FUT9: variants seen among roughly 807,000 people sequenced by gnomAD.
The protein encoded by FUT9 is 4-galactosyl-N-acetylglucosaminide 3-alpha-L-fucosyltransferase 9.
FUT9 carries 15 observed loss-of-function variants against 29.7 expected under a neutral mutation model. That is an observed-to-expected ratio of 0.51 (90% CI 0.34 to 0.78). The LOEUF is 0.78. Among genes scored for constraint, FUT9 ranks in the 30% least tolerant of loss-of-function variants. The probability of loss-of-function intolerance (pLI) is 0.01; values close to 1 mark genes in which losing one functional copy is unlikely to be tolerated. For missense variants in FUT9, 319 were observed against 425.4 expected, an observed-to-expected ratio of 0.75 and a Z score of 2.20; for synonymous variants, 169 against 153.7, an observed-to-expected ratio of 1.10 and a Z score of -0.74.
intron 2 of FUT9, among the ~76,000 whole-genome samples, chr6:96,170,652 T>C (rs1382807084): frequency 6.6e-6 from 1 of 152,098 alleles, no homozygotes; most frequent in Non-Finnish European, 1.5e-5. Context: ...ACAATGGTTT[T>C]CCTATGATAT....
chr6:96,031,488 T>G (rs1400226614), intron 1 of FUT9, among the ~76,000 whole-genome samples: 2 of 151,442 alleles, frequency 1.3e-5, no homozygotes, highest in Admixed American at 6.6e-5. Flanking sequence ...TAACTTACCT[T>G]TAAGTAGAGT....
intron 2 of FUT9, among the ~76,000 whole-genome samples, chr6:96,181,584 T>TCCTTTCCCTC (rs1773309194): frequency 6.6e-6 from 1 of 151,754 alleles, no homozygotes; most frequent in Non-Finnish European, 1.5e-5. Flanking sequence ...TTTATCCCTC[T>TCCTTTCCCTC]CCTTTCTCCC....
At chr6:96,126,376 A>C (rs1772133871) in intron 2 of FUT9, among the ~76,000 whole-genome samples, 1 of 152,184 alleles carries the variant, frequency 6.6e-6, no homozygotes, top group Non-Finnish European at 1.5e-5. Flanking sequence ...CTCTAGAGCA[A>C]GAAGTCACAC....
chr6:96,152,701 A>G (rs183602908), intron 2 of FUT9, among the ~76,000 whole-genome samples: 3 of 152,298 alleles, frequency 2.0e-5, no homozygotes, highest in Admixed American at 2.0e-4. Flanking sequence ...CTGATTCTCT[A>G]TGTAGTCATT....
chr6:96,107,984 CT>C (rs753293696), intron 1 of FUT9, among the ~76,000 whole-genome samples: 1,408 of 140,678 alleles, frequency 0.01, 19 homozygotes, highest in African/African-American at 0.028. Flanking sequence ...CTCATGGCCA[CT>C]TTTTTTTTTT....
chr6:96,162,473 C>T (rs1247872327), intron 2 of FUT9, among the ~76,000 whole-genome samples: 1 of 152,114 alleles, frequency 6.6e-6, no homozygotes, highest in East Asian at 1.9e-4. Context: ...ACTATGAATG[C>T]CAGCACTTAT....
rs116954271 is a variant in FUT9 at position 96,202,989 on chromosome 6, T to G, written c.-8-159T>G. Among the ~76,000 whole-genome samples the G allele has an allele frequency of 5.7e-3, 871 of 152,284 alleles. 20 individuals are homozygous for G. Among genetic ancestry groups the G allele is most frequent in the Admixed American group, 0.031 (473 of 15,274 alleles). On this transcript the variant is annotated intron_variant, in intron 2 of 2. Transcript: ENST00000302103. ...GCTGTTTCTTGGCTTTGAGGAAAGTTCTGTTTCTCTCAATGGTTTGATAAC... is the reference window on the plus strand; with the variant it reads ...GCTGTTTCTTGGCTTTGAGGAAAGTGCTGTTTCTCTCAATGGTTTGATAAC...
rs577459084 is a variant in FUT9, at chr6:96,016,201, C to T, written c.-109C>T. 1 of 153,100 alleles carries T rather than the reference C, an allele frequency of 6.5e-6. No individual in the cohort carries two copies. Among genetic ancestry groups the T allele is most frequent in the East Asian group, 1.9e-4 (1 of 5,160 alleles). The allele number at this position is 153,100 out of a possible 1,614,324, so 9.5% of individuals were successfully genotyped here. ...CGCGAGCGCCCCGGATGGCGCTTTA[C>T]CCCTAGGACCGGTGAGTAGGCGGGA... On this transcript the variant is annotated 5_prime_UTR_variant, in exon 1 of 3. Coordinates refer to ENST00000302103, the MANE Select transcript of FUT9 (RefSeq NM_006581.4).
At chr6:96,017,827 A>G (rs537910413) in intron 1 of FUT9, among the ~76,000 whole-genome samples, 2 of 152,320 alleles carry the variant, frequency 1.3e-5, no homozygotes, top group Admixed American at 1.3e-4. Context: ...AGAGAGATGT[A>G]TGCTTCATCA....
intron 1 of FUT9, among the ~76,000 whole-genome samples, chr6:96,033,090 T>C (rs75155952): frequency 6.6e-6 from 1 of 151,560 alleles, no homozygotes; most frequent in African/African-American, 2.4e-5. Flanking sequence ...CAATGAGAGT[T>C]GAAATTCTGT....
chr6:96,156,616 G>A (rs192443518), intron 2 of FUT9, among the ~76,000 whole-genome samples: 2 of 152,110 alleles, frequency 1.3e-5, no homozygotes, highest in Admixed American at 6.6e-5. Context: ...AATCTTCTCC[G>A]GGCATGTTTA....
chr6:96,060,089 G>A (rs1283635069), intron 1 of FUT9, among the ~76,000 whole-genome samples: 3 of 152,090 alleles, frequency 2.0e-5, no homozygotes, highest in Non-Finnish European at 4.4e-5. Context: ...TTTTGTGAAA[G>A]CTACACCTTA....
At chr6:96,152,471 T>C (rs1772695105) in intron 2 of FUT9, among the ~76,000 whole-genome samples, 1 of 152,178 alleles carries the variant, frequency 6.6e-6, no homozygotes, top group African/African-American at 2.4e-5. Flanking sequence ...GTGAGGTCTG[T>C]TTTGTTCATA....
At chr6:96,036,839 T>C (rs115862680) in intron 1 of FUT9, 3 of 152,006 alleles carry the variant, frequency 2.0e-5, no homozygotes, top group Non-Finnish European at 4.4e-5. Context: ...TAAACCAAGC[T>C]ATAGCTGTGC....
At chr6:96,079,179 G>A (rs1771194882) in intron 1 of FUT9, among the ~76,000 whole-genome samples, 1 of 152,134 alleles carries the variant, frequency 6.6e-6, no homozygotes, top group African/African-American at 2.4e-5. Flanking sequence ...CAAAGGTGGG[G>A]AAGGGAGACT....
At chr6:96,069,346 A>T (rs1194752697) in intron 1 of FUT9, among the ~76,000 whole-genome samples, 2 of 151,962 alleles carry the variant, frequency 1.3e-5, no homozygotes, top group African/African-American at 4.8e-5. Flanking sequence ...AAGACAAGAA[A>T]AGAATCATCT....
chr6:96,162,467 T>C (rs1772929996), intron 2 of FUT9, among the ~76,000 whole-genome samples: 1 of 152,190 alleles, frequency 6.6e-6, no homozygotes, highest in Non-Finnish European at 1.5e-5. Context: ...CTACAGACTA[T>C]GAATGCCAGC....
chr6:96,113,668 C>G (rs924785897), intron 1 of FUT9, among the ~76,000 whole-genome samples: 55 of 151,350 alleles, frequency 3.6e-4, no homozygotes, highest in Non-Finnish European at 7.1e-4. Flanking sequence ...CTGGCTAACA[C>G]GGTGAAACCC....
chr6:96,193,474 A>T (rs1336481655), intron 2 of FUT9, among the ~76,000 whole-genome samples: 1 of 149,100 alleles, frequency 6.7e-6, no homozygotes, highest in Admixed American at 6.8e-5. Context: ...ACTGGCCATC[A>T]GAGAAATGCA....
Sources: gnomAD v4.1 joint callset for allele counts (sites outside exome capture counted in the v4.1 genomes callset) on GRCh38, gnomAD v4.1.1 for gene constraint, MANE v1.5 for transcripts, NCBI Gene and HGNC (gene_info 2026-07-23, HGNC 2026-07-21) for gene names.